The following GNG12 variants were observed in gnomAD, a reference collection of about 807,000 sequenced individuals.
GNG12 encodes guanine nucleotide-binding protein G(I)/G(S)/G(O) subunit gamma-12.
For synonymous variants in GNG12, 28 were observed against 29.7 expected (o/e 0.94, Z 0.19); for missense variants, 69 against 83.8 (o/e 0.82, Z 0.69).
rs1341577243 is a variant in GNG12 at position 67,705,196 on chromosome 1, T to C, written c.*255A>G. 1 of 316,524 alleles carries C rather than the reference T, an allele frequency of 3.2e-6. No individual in the cohort carries two copies. The highest frequency in any genetic ancestry group is 5.4e-6 in the Non-Finnish European group (1 of 185,604). 19.6% of individuals were successfully genotyped at this position (316,524 alleles called of 1,614,324 possible). A position where few individuals can be genotyped will look rare whatever the true frequency, so the allele number is the denominator to read the frequency against. ...TTTTTAAAAAGGCCCAGATCAACTT[T>C]CCTTAAACAGTAACCCAACATAAAG... On this transcript the variant is annotated 3_prime_UTR_variant, in exon 4 of 4. Transcript: ENST00000370982.
intron 1 of GNG12, among the ~76,000 whole-genome samples, chr1:67,782,979 C>A (rs1030779782): frequency 2.6e-5 from 4 of 152,086 alleles, no homozygotes; most frequent in African/African-American, 7.2e-5. Context: ...AATGTCGGAT[C>A]CTCAACTAAT....
At chr1:67,772,136 T>C (rs1646678496) in intron 2 of GNG12, among the ~76,000 whole-genome samples, 1 of 152,166 alleles carries the variant, frequency 6.6e-6, no homozygotes, top group Admixed American at 6.5e-5. Context: ...TGTGACATAA[T>C]GATGGAAAAC....
chr1:67,767,978 C>T (rs140160462), intron 2 of GNG12, among the ~76,000 whole-genome samples: 1 of 152,214 alleles, frequency 6.6e-6, no homozygotes, highest in Non-Finnish European at 1.5e-5. Context: ...GCTCTTGCTA[C>T]GTTGCGGAGG....
chr1:67,816,130 CTTTT>C (rs532958644), intron 1 of GNG12, among the ~76,000 whole-genome samples: 1 of 152,034 alleles, frequency 6.6e-6, no homozygotes, highest in African/African-American at 2.4e-5. Flanking sequence ...TATCTTGAGA[CTTTT>C]TTTTCTTTTC....
chr1:67,818,164 T>C (rs1646964719), intron 1 of GNG12, among the ~76,000 whole-genome samples: 1 of 152,172 alleles, frequency 6.6e-6, no homozygotes, highest in Non-Finnish European at 1.5e-5. Flanking sequence ...ATTTACTAGG[T>C]GGTTTGAAGG....
Position 67,827,020 on chromosome 1 carries a change from A to G in GNG12, c.-77+6324T>C, listed in dbSNP as rs115644542. Among the ~76,000 whole-genome samples, 1,433 of 152,332 alleles carry G rather than the reference A, an allele frequency of 9.4e-3. 22 individuals carry two copies. The highest frequency in any genetic ancestry group is 0.033 in the African/African-American group (1,367 of 41,562). On this transcript the variant is annotated intron_variant, in intron 1 of 3. Coordinates refer to ENST00000370982, the MANE Select transcript of GNG12 (RefSeq NM_018841.6). The stretch of plus-strand genomic sequence containing the variant: ...CAATGAAGTTAAGATTCTGCCTCCA[A>G]TGGGCTCATGTGAGTTTGCACAAAG...
At chr1:67,830,297 G>A (rs1425549810) in intron 1 of GNG12, among the ~76,000 whole-genome samples, 2 of 152,178 alleles carry the variant, frequency 1.3e-5, no homozygotes, top group South Asian at 2.1e-4. Context: ...GAGCCACAGC[G>A]CCTGGCAAGA....
intron 1 of GNG12, among the ~76,000 whole-genome samples, chr1:67,820,282 A>C (rs1646977600): frequency 6.6e-6 from 1 of 151,792 alleles, no homozygotes. Context: ...CCAGTTACTC[A>C]GGAGGCTGAG....
At chr1:67,815,357 C>T (rs1267058159) in intron 1 of GNG12, among the ~76,000 whole-genome samples, 1 of 152,174 alleles carries the variant, frequency 6.6e-6, no homozygotes, top group Non-Finnish European at 1.5e-5. Context: ...CTACATACAC[C>T]TCTTGAAAAA....
chr1:67,723,010 G>A (rs941208082), intron 2 of GNG12, among the ~76,000 whole-genome samples: 16 of 152,150 alleles, frequency 1.1e-4, no homozygotes, highest in Non-Finnish European at 1.8e-4. Flanking sequence ...AAATAATAAA[G>A]AGGCAGCACA....
chr1:67,761,316 T>G (rs1047230786), intron 2 of GNG12, among the ~76,000 whole-genome samples: 1 of 152,216 alleles, frequency 6.6e-6, no homozygotes, highest in African/African-American at 2.4e-5. Context: ...ATACAAATAA[T>G]AACTGAGTGA....
chr1:67,704,007 G>GT lies in GNG12; in HGVS notation c.*1443dup, dbSNP rs1646230140. 1 of 152,230 alleles carries GT rather than the reference G, an allele frequency of 6.6e-6. No individual in the cohort carries two copies. The highest frequency in any genetic ancestry group is 1.5e-5 in the Non-Finnish European group (1 of 68,050). The allele number at this position is 152,230 out of a possible 1,614,324, so 9.4% of individuals were successfully genotyped here. On this transcript the variant is annotated 3_prime_UTR_variant, in exon 4 of 4. Coordinates refer to ENST00000370982, the MANE Select transcript of GNG12 (RefSeq NM_018841.6). ...AGAATTAAAGCATCAAAGGCCTAGT[G>GT]TATGATTTGACTCCGAAGTGACCCT...
At chr1:67,773,012 C>T (rs1287813119) in intron 2 of GNG12, among the ~76,000 whole-genome samples, 1 of 152,200 alleles carries the variant, frequency 6.6e-6, no homozygotes, top group African/African-American at 2.4e-5. Flanking sequence ...ATCTTTGGAA[C>T]TCCTGAATAC....
At chr1:67,808,612 C>T (rs1219338564) in intron 1 of GNG12, among the ~76,000 whole-genome samples, 1 of 151,996 alleles carries the variant, frequency 6.6e-6, no homozygotes, top group Non-Finnish European at 1.5e-5. Context: ...CTGTAAAATA[C>T]AAGGTTAACA....
intron 2 of GNG12, among the ~76,000 whole-genome samples, chr1:67,709,975 TA>T: frequency 1.5e-4 from 2 of 13,076 alleles, no homozygotes; most frequent in African/African-American, 4.8e-4. Flanking sequence ...TATATATAGT[TA>T]TATATATATA....
In GNG12 at chr1:67,789,029, T is replaced by C. The variant is rs147930729; in HGVS notation, c.-76-11522A>G. 3.9e-3 allele frequency among the ~76,000 whole-genome samples: 588 copies of C among 152,294 alleles called. 5 individuals carry two copies. The highest frequency in any genetic ancestry group is 0.013 in the African/African-American group (559 of 41,562). The stretch of plus-strand genomic sequence containing the variant: ...TGCTGTTGACTAAAGCAGCGGGAGC[T>C]CAGAGCTGAGGCACACAGTTCTTGT... On this transcript the variant is annotated intron_variant, in intron 1 of 3. Transcript: ENST00000370982.
chr1:67,756,043 C>T (rs1258001840), intron 2 of GNG12, among the ~76,000 whole-genome samples: 2 of 152,112 alleles, frequency 1.3e-5, no homozygotes, highest in African/African-American at 4.8e-5. Context: ...TTGTGCCTGG[C>T]CCTGGGGCTC....
chr1:67,734,263 G>C (rs1352032843), intron 2 of GNG12, among the ~76,000 whole-genome samples: 1 of 151,938 alleles, frequency 6.6e-6, no homozygotes, highest in Non-Finnish European at 1.5e-5. Context: ...AGGGCAGCTA[G>C]AGAGAGTGCT....
chr1:67,817,282 G>A (rs948129688), intron 1 of GNG12, among the ~76,000 whole-genome samples: 1 of 152,216 alleles, frequency 6.6e-6, no homozygotes, highest in Non-Finnish European at 1.5e-5. Flanking sequence ...CTGATGGTCA[G>A]GTACTCATCT....
Sources: allele counts gnomAD v4.1 joint callset (sites outside exome capture counted in the v4.1 genomes callset), GRCh38; gene constraint gnomAD v4.1.1; transcripts MANE v1.5; gene names NCBI Gene and HGNC (gene_info 2026-07-23, HGNC 2026-07-21).